ELOVL2: variants seen among roughly 807,000 people sequenced by gnomAD.
ELOVL2 encodes ELOVL fatty acid elongase 2.
ELOVL2 carries 38 observed loss-of-function variants against 37.7 expected under a neutral mutation model. The observed-to-expected ratio is 1.01, with a 90% CI of 0.78 to 1.32. ELOVL2 has a LOEUF of 1.32. ELOVL2 is among the 40% of genes most tolerant of loss of function. The probability of loss-of-function intolerance (pLI) is 0.00; values close to 1 mark genes in which losing one functional copy is unlikely to be tolerated. For synonymous variants in ELOVL2, 115 were observed against 122.3 expected (o/e 0.94, Z 0.40); for missense variants, 352 against 363.6 (o/e 0.97, Z 0.26).
chr6:10,984,358 A>G lies in ELOVL2; in HGVS notation c.766-452T>C, dbSNP rs142794889. Among the ~76,000 whole-genome samples the G allele has an allele frequency of 3.8e-4, 57 of 151,980 alleles. 1 individual carries two copies. In the East Asian group the frequency reaches 0.01, roughly 28 times the overall value. Reference sequence around the variant, plus strand: ...TAATAAGATTTCATGTTTATATATTATATTTTTTATTATTATTATACTTTA... The same window carrying G: ...TAATAAGATTTCATGTTTATATATTGTATTTTTTATTATTATTATACTTTA... On this transcript the variant is annotated intron_variant, in intron 7 of 7. Coordinates refer to ENST00000354666, the MANE Select transcript of ELOVL2 (RefSeq NM_017770.4).
intron 4 of ELOVL2, among the ~76,000 whole-genome samples, chr6:10,999,787 C>T (rs769168797): frequency 6.6e-6 from 1 of 152,174 alleles, no homozygotes; most frequent in African/African-American, 2.4e-5. Flanking sequence ...CCTATAAACA[C>T]GGTCTGCAAG....
intron 3 of ELOVL2, among the ~76,000 whole-genome samples, chr6:11,002,874 T>C (rs148934792): frequency 9.0e-4 from 137 of 152,342 alleles, no homozygotes; most frequent in African/African-American, 3.0e-3. Context: ...TAGGAAAAGC[T>C]CACTACATGC....
chr6:11,032,720 G>C (rs761046309), intron 1 of ELOVL2, among the ~76,000 whole-genome samples: 9 of 152,180 alleles, frequency 5.9e-5, no homozygotes, highest in Non-Finnish European at 1.2e-4. Context: ...TACCTTTCTA[G>C]TGCTGAAGTT....
chr6:10,990,659 T>C (rs1231665447), intron 5 of ELOVL2, among the ~76,000 whole-genome samples: 1 of 111,630 alleles, frequency 9.0e-6, no homozygotes, highest in Non-Finnish European at 1.8e-5. Context: ...GGGATGGTTT[T>C]TCAGAATGCC....
intron 7 of ELOVL2, among the ~76,000 whole-genome samples, chr6:10,988,771 C>A (rs1374853469): frequency 6.6e-6 from 1 of 152,222 alleles, no homozygotes; most frequent in Admixed American, 6.5e-5. Context: ...TCTACATCCA[C>A]CTGAGGCCTC....
At chr6:11,016,764 T>A (rs1782691063) in intron 1 of ELOVL2, among the ~76,000 whole-genome samples, 1 of 152,174 alleles carries the variant, frequency 6.6e-6, no homozygotes, top group Non-Finnish European at 1.5e-5. Flanking sequence ...CAGTCTCTCA[T>A]GTATTTGAAG....
At position 11,044,305 on chromosome 6, in the gene ELOVL2, C is replaced by G. The variant is rs1350441354; in HGVS notation, c.-75G>C. The G allele has an allele frequency of 3.3e-6, 4 of 1,214,588 alleles. No homozygotes were observed. Among genetic ancestry groups the G allele is most frequent in the Non-Finnish European group, 2.1e-6 (2 of 974,292 alleles). The allele number at this position is 1,214,588 out of a possible 1,614,324, so 75.2% of individuals were successfully genotyped here. On this transcript the variant is annotated 5_prime_UTR_variant, in exon 1 of 8. Transcript: ENST00000354666. This position sits in a 1 kb window ranked among gnomAD's most constrained non-coding sequence, Gnocchi z 5.6. Reference sequence around the variant, plus strand: ...TCCAGGGTAGCCGGGTCCCTCTGCCCGGCGCTATCTCGGCGCCCGCGCCGG... The same window carrying G: ...TCCAGGGTAGCCGGGTCCCTCTGCCGGGCGCTATCTCGGCGCCCGCGCCGG...
At chr6:10,990,673 C>A (rs201552624) in intron 5 of ELOVL2, among the ~76,000 whole-genome samples, 1 of 150,570 alleles carries the variant, frequency 6.6e-6, no homozygotes, top group Non-Finnish European at 1.5e-5. Context: ...GAATGCCCCC[C>A]CCCCGCCACA....
rs1288619743 is a variant in ELOVL2, at chr6:10,983,648, A to G, written c.*133T>C. The G allele has an allele frequency of 5.0e-6, 5 of 1,000,188 alleles. No homozygotes were observed. The highest frequency in any genetic ancestry group is 3.1e-5 in the Admixed American group (1 of 32,128). The allele number at this position is 1,000,188 out of a possible 1,614,324, so 62.0% of individuals were successfully genotyped here. ...TAACCTAATAGCAATATATTAATAC[A>G]TTCTGGGTACAAATGATTTATGAAC... On this transcript the variant is annotated 3_prime_UTR_variant, in exon 8 of 8. Transcript: ENST00000354666.
At chr6:10,992,805 A>C (rs76465198) in intron 5 of ELOVL2, among the ~76,000 whole-genome samples, 23 of 114,760 alleles carry the variant, frequency 2.0e-4, no homozygotes, top group East Asian at 1.2e-3. Context: ...CAAAACAAAA[A>C]AAAACAAAAA....
intron 1 of ELOVL2, among the ~76,000 whole-genome samples, chr6:11,032,151 T>C (rs73442771): frequency 0.086 from 13,089 of 152,192 alleles, 1,688 homozygotes; most frequent in African/African-American, 0.28. Flanking sequence ...TTAGTTTTGT[T>C]ATCCATATCA....
intron 1 of ELOVL2, among the ~76,000 whole-genome samples, chr6:11,030,668 A>G (rs1782917620): frequency 6.6e-6 from 1 of 151,446 alleles, no homozygotes; most frequent in East Asian, 1.9e-4. Flanking sequence ...ATTTTTTTGT[A>G]TTTTTAGTAG....
chr6:11,042,796 T>G (rs1303172499), intron 1 of ELOVL2, among the ~76,000 whole-genome samples: 1 of 152,108 alleles, frequency 6.6e-6, no homozygotes, highest in East Asian at 1.9e-4. Flanking sequence ...ATCTTTGCAG[T>G]TACTCCCCAC....
chr6:11,015,076 T>G (rs1002142855), intron 1 of ELOVL2, among the ~76,000 whole-genome samples: 2 of 152,168 alleles, frequency 1.3e-5, no homozygotes, highest in Non-Finnish European at 2.9e-5. Context: ...TGGATGTATC[T>G]CAAAATTATT....
intron 1 of ELOVL2, among the ~76,000 whole-genome samples, chr6:11,029,832 C>A (rs984432297): frequency 1.3e-5 from 2 of 152,078 alleles, no homozygotes; most frequent in Non-Finnish European, 2.9e-5. Flanking sequence ...GGGTTGGAAC[C>A]CTTTCACAAC....
chr6:11,010,918 C>A, intron 1 of ELOVL2, 109 bp from the exon 2 acceptor site: 1 of 793,948 alleles, frequency 1.3e-6, no homozygotes, highest in East Asian at 2.5e-5. Context: ...CAAAGGGTCC[C>A]AGCTTCAAGG....
intron 5 of ELOVL2, among the ~76,000 whole-genome samples, chr6:10,993,349 G>T (rs956684979): frequency 8.5e-5 from 13 of 152,116 alleles, no homozygotes; most frequent in Non-Finnish European, 1.6e-4. Flanking sequence ...CCTACAAGGA[G>T]GTTTTGCAAA....
At chr6:11,028,005 T>C (rs1782864419) in intron 1 of ELOVL2, among the ~76,000 whole-genome samples, 1 of 152,214 alleles carries the variant, frequency 6.6e-6, no homozygotes, top group African/African-American at 2.4e-5. Context: ...GAACATCGTA[T>C]TTCTCTTGGT....
At chr6:11,032,798 G>A (rs7768111) in intron 1 of ELOVL2, among the ~76,000 whole-genome samples, 12,209 of 152,144 alleles carry the variant, frequency 0.08, 1,661 homozygotes, top group African/African-American at 0.27. Flanking sequence ...TAATACACAA[G>A]TAAACAAAGA....
Sources: allele counts gnomAD v4.1 joint callset (sites outside exome capture counted in the v4.1 genomes callset), GRCh38; gene constraint gnomAD v4.1.1; non-coding constraint Gnocchi (gnomAD v3.1); transcripts MANE v1.5; gene names NCBI Gene and HGNC (gene_info 2026-07-23, HGNC 2026-07-21).